Variants in FRAS1 observed in about 807,000 individuals in gnomAD.
FRAS1 encodes extracellular matrix organizing protein FRAS1.
A neutral mutation model predicts 435.2 loss-of-function variants in FRAS1; 290 were observed. That is an observed-to-expected ratio of 0.67 (90% CI 0.61 to 0.73). The LOEUF (loss-of-function observed/expected upper bound fraction) is 0.73, where lower values mean the gene tolerates loss of function less well. Ranked by LOEUF, FRAS1 falls within the 30% of genes least tolerant of loss-of-function variation. The pLI, the probability that FRAS1 is intolerant of heterozygous loss-of-function variation, is 0.00. For missense variants in FRAS1, 4,860 were observed against 5,001.5 expected, an observed-to-expected ratio of 0.97 and a Z score of 0.85; for synonymous variants, 1,800 against 1,851.0, an observed-to-expected ratio of 0.97 and a Z score of 0.71.
intron 37 of FRAS1, among the ~76,000 whole-genome samples, chr4:78,430,618 C>T (rs79804302): frequency 0.022 from 3,284 of 152,250 alleles, 121 homozygotes; most frequent in African/African-American, 0.075. Flanking sequence ...CACCTGCCCC[C>T]GGCCCCACCT....
In FRAS1 at chr4:78,140,730, CGT is replaced by C. The variant is rs1491105589; in HGVS notation, c.108+74721_108+74722del. ...ATATACGTGTGTGTATATGTATATA[CGT>C]GTGTGTATATGTATATACGTGTGTG... On this transcript the variant is annotated intron_variant, in intron 2 of 73. Transcript: ENST00000512123. Among the ~76,000 whole-genome samples, 493 of 143,550 alleles carry C rather than the reference CGT, an allele frequency of 3.4e-3. 5 individuals carry two copies. The highest frequency in any genetic ancestry group is 4.1e-3 in the Admixed American group (60 of 14,550). The allele number at this position is 143,550 out of a possible 152,430, so 94.2% of individuals were successfully genotyped here. A position where few individuals can be genotyped will look rare whatever the true frequency, so the allele number is the denominator to read the frequency against.
chr4:78,419,204 T>A, intron 33 of FRAS1, 141 bp downstream of exon 33: 1 of 542,246 alleles, frequency 1.8e-6, no homozygotes, highest in Admixed American at 4.0e-5. Flanking sequence ...TATTCATATT[T>A]CTCGCTCCTG....
rs1436792259 is a variant in FRAS1 at position 78,496,978 on chromosome 4, T to A, written c.9115+17T>A. ...ATGAAGATGGTAACAGAAGAAATTA[T>A]CTTTAGTTACTCTTAGGTTGAGGGG... On this transcript the variant is annotated intron_variant, in intron 60 of 73. Coordinates refer to ENST00000512123, the MANE Select transcript of FRAS1 (RefSeq NM_025074.7). 2 of 1,604,596 alleles carry A rather than the reference T, an allele frequency of 1.2e-6. No individual in the cohort carries two copies. The highest frequency in any genetic ancestry group is 1.7e-6 in the Non-Finnish European group (2 of 1,172,524).
chr4:78,450,445 T>C (rs1718987819), intron 45 of FRAS1, 106 bp downstream of exon 45: 1 of 874,536 alleles, frequency 1.1e-6, no homozygotes, highest in East Asian at 2.5e-5. Context: ...GTGCACTCTT[T>C]GTTTTGAGGA....
chr4:78,064,288 C>G (rs962027831), intron 1 of FRAS1, among the ~76,000 whole-genome samples: 1 of 147,464 alleles, frequency 6.8e-6, no homozygotes, highest in African/African-American at 2.5e-5. Flanking sequence ...TCCTTTCTTT[C>G]ATATGTATAG....
chr4:78,124,548 G>T (rs895313863), intron 2 of FRAS1, among the ~76,000 whole-genome samples: 1 of 152,190 alleles, frequency 6.6e-6, no homozygotes, highest in African/African-American at 2.4e-5. Context: ...AGAAGGAATG[G>T]TACTAGCTCC....
chr4:78,210,682 A>G (rs946869887), intron 2 of FRAS1, among the ~76,000 whole-genome samples: 4 of 152,218 alleles, frequency 2.6e-5, no homozygotes, highest in African/African-American at 2.4e-5. Flanking sequence ...TACGAGAAGG[A>G]TGATACAATT....
chr4:78,113,157 T>C (rs1742862262), intron 2 of FRAS1, among the ~76,000 whole-genome samples: 1 of 152,258 alleles, frequency 6.6e-6, no homozygotes, highest in Non-Finnish European at 1.5e-5. Flanking sequence ...GGACATGAAC[T>C]CATCATTTTT....
intron 22 of FRAS1, among the ~76,000 whole-genome samples, chr4:78,368,486 T>C (rs1321524533): frequency 2.1e-5 from 3 of 146,216 alleles, no homozygotes; most frequent in Non-Finnish European, 4.5e-5. Flanking sequence ...GGTGCTTGTA[T>C]ATACCTTATG....
chr4:78,495,124 A>G (rs1278522968), intron 59 of FRAS1, among the ~76,000 whole-genome samples: 4 of 152,128 alleles, frequency 2.6e-5, no homozygotes, highest in Admixed American at 2.6e-4. Context: ...CAATAAGCAT[A>G]TAAGCTTATT....
At chr4:78,421,621 G>T (rs1486376541) in intron 33 of FRAS1, among the ~76,000 whole-genome samples, 1 of 152,206 alleles carries the variant, frequency 6.6e-6, no homozygotes, top group African/African-American at 2.4e-5. Context: ...CAAGTTGATA[G>T]TCAGTATTAA....
At position 78,375,731 on chromosome 4, in the gene FRAS1, T is replaced by A; in HGVS notation, c.3152-8T>A. 6.4e-7 allele frequency: 1 copy of A among 1,562,606 alleles called. No individual in the cohort carries two copies. Among genetic ancestry groups the A allele is most frequent in the Non-Finnish European group, 8.6e-7 (1 of 1,156,312 alleles). On this transcript the variant is annotated splice_region_variant and splice_polypyrimidine_tract_variant and intron_variant, in intron 25 of 73. Transcript: ENST00000512123. Reference sequence around the variant, plus strand: ...TTGAGCCTCATTTAGTGTTTCCTTTTTTAATAGCCTGCCCTCAGGGGTGCT... The same window carrying A: ...TTGAGCCTCATTTAGTGTTTCCTTTATTAATAGCCTGCCCTCAGGGGTGCT...
intron 2 of FRAS1, among the ~76,000 whole-genome samples, chr4:78,111,509 A>G (rs1204530648): frequency 3.5e-5 from 2 of 56,624 alleles, no homozygotes; most frequent in African/African-American, 1.4e-4. Context: ...AGAACAAAAA[A>G]CCAAACACCG....
chr4:78,112,612 G>C (rs1742807680), intron 2 of FRAS1, among the ~76,000 whole-genome samples: 1 of 152,152 alleles, frequency 6.6e-6, no homozygotes, highest in Admixed American at 6.5e-5. Flanking sequence ...AGTAGTACTT[G>C]TTCTTGCCAA....
Position 78,282,843 on chromosome 4 carries a change from C to A in FRAS1, c.1131C>A (p.Gly377=), listed in dbSNP as rs1473473932. The A allele has an allele frequency of 6.2e-7, 1 of 1,613,264 alleles. No homozygotes were observed. The highest frequency in any genetic ancestry group is 1.3e-5 in the African/African-American group (1 of 74,984). The change falls in exon 12 of 74, where the codon GGC becomes GGA. Residue 377 remains glycine (G), a synonymous_variant. Coordinates refer to ENST00000512123, the MANE Select transcript of FRAS1 (RefSeq NM_025074.7). Reference sequence around the variant, plus strand: ...AGGAGGGAGAGAAGTGGGAAGATGGCCCTTGCAAGGTGTGTGAGTGCCGAG... The same window carrying A: ...AGGAGGGAGAGAAGTGGGAAGATGGACCTTGCAAGGTGTGTGAGTGCCGAG... The part of the protein sequence containing the change: ...RIPEGEKWED[G]PCKVCECRGA...
At chr4:78,431,407 A>C (rs1021943489) in intron 37 of FRAS1, among the ~76,000 whole-genome samples, 3 of 152,238 alleles carry the variant, frequency 2.0e-5, no homozygotes, top group Admixed American at 6.5e-5. Context: ...CGTTGATAAA[A>C]AGTTAGTTTT....
At chr4:78,382,561 G>C (rs567995578) in intron 27 of FRAS1, among the ~76,000 whole-genome samples, 27 of 152,290 alleles carry the variant, frequency 1.8e-4, no homozygotes, top group African/African-American at 6.3e-4. Context: ...TGAGGTGGTG[G>C]TGGAGAGGGA....
intron 19 of FRAS1, among the ~76,000 whole-genome samples, chr4:78,334,347 A>G (rs1325174964): frequency 6.7e-6 from 1 of 150,270 alleles, no homozygotes; most frequent in Non-Finnish European, 1.5e-5. Context: ...CAAAACATAA[A>G]GTCATAACCA....
At chr4:78,075,417 C>T (rs1395025005) in intron 2 of FRAS1, among the ~76,000 whole-genome samples, 2 of 152,128 alleles carry the variant, frequency 1.3e-5, no homozygotes, top group Non-Finnish European at 2.9e-5. Context: ...TCAAAAGTTC[C>T]CTCATTGTTT....
Sources: gnomAD v4.1 joint callset for allele counts (sites outside exome capture counted in the v4.1 genomes callset) on GRCh38, gnomAD v4.1.1 for gene constraint, MANE v1.5 for transcripts, NCBI Gene and HGNC (gene_info 2026-07-23, HGNC 2026-07-21) for gene names.